MMP16: variants seen among roughly 807,000 people sequenced by gnomAD.
MMP16 encodes matrix metallopeptidase 16.
Under a neutral mutation model 67.8 loss-of-function variants are expected in MMP16, and 12 were observed. That is an observed-to-expected ratio of 0.18 (90% CI 0.11 to 0.29). The LOEUF (loss-of-function observed/expected upper bound fraction) is 0.29. Ranked by LOEUF, MMP16 falls within the 10% of genes least tolerant of loss-of-function variation. MMP16 has a pLI of 1.00. For missense variants in MMP16, 475 were observed against 765.7 expected (o/e 0.62, Z 4.48); for synonymous variants, 249 against 255.9 (o/e 0.97, Z 0.26).
At chr8:88,055,237 G>A (rs562353028) in intron 8 of MMP16, among the ~76,000 whole-genome samples, 13 of 151,898 alleles carry the variant, frequency 8.6e-5, no homozygotes, top group East Asian at 1.9e-4. Flanking sequence ...AGACAGGGTC[G>A]CACTCTGTTG....
intron 4 of MMP16, among the ~76,000 whole-genome samples, chr8:88,167,075 G>A (rs1431097557): frequency 1.3e-5 from 2 of 151,990 alleles, no homozygotes; most frequent in Non-Finnish European, 2.9e-5. Context: ...AGCTGGGCAT[G>A]GTGGCAGGCA....
chr8:88,300,698 A>G (rs1811084126), intron 1 of MMP16, among the ~76,000 whole-genome samples: 1 of 152,232 alleles, frequency 6.6e-6, no homozygotes, highest in Admixed American at 6.5e-5. Context: ...TGCTGGTTTC[A>G]GGCATCTACT....
chr8:88,281,121 C>T (rs552526332), intron 1 of MMP16, among the ~76,000 whole-genome samples: 1 of 152,234 alleles, frequency 6.6e-6, no homozygotes, highest in East Asian at 1.9e-4. Context: ...TTTGCAATTC[C>T]AAATTTTCCC....
intron 4 of MMP16, among the ~76,000 whole-genome samples, chr8:88,137,483 C>G (rs1808140632): frequency 6.6e-6 from 1 of 151,802 alleles, no homozygotes; most frequent in African/African-American, 2.4e-5. Flanking sequence ...AACAAATGTG[C>G]CTTCATTTTT....
At chr8:88,293,071 T>C (rs1000596786) in intron 1 of MMP16, among the ~76,000 whole-genome samples, 1 of 152,208 alleles carries the variant, frequency 6.6e-6, no homozygotes, top group Non-Finnish European at 1.5e-5. Flanking sequence ...GAAAACTGCA[T>C]AAAACTTTAA....
At chr8:88,057,449 G>A (rs1201748104) in intron 7 of MMP16, among the ~76,000 whole-genome samples, 1 of 151,980 alleles carries the variant, frequency 6.6e-6, no homozygotes, top group Non-Finnish European at 1.5e-5. Flanking sequence ...CCTTCCCCAA[G>A]TCCTCTTCTC....
intron 1 of MMP16, among the ~76,000 whole-genome samples, chr8:88,292,632 A>G (rs888268232): frequency 2.0e-5 from 3 of 152,210 alleles, no homozygotes; most frequent in African/African-American, 7.2e-5. Flanking sequence ...CACTTTCTGA[A>G]GTGCTAATGA....
chr8:88,236,983 C>T (rs1268612852), intron 1 of MMP16, among the ~76,000 whole-genome samples: 1 of 152,156 alleles, frequency 6.6e-6, no homozygotes, highest in Non-Finnish European at 1.5e-5. Context: ...TCCTGCAACA[C>T]AGACAAGTCA....
At chr8:88,115,974 A>G (rs1809421065) in intron 6 of MMP16, among the ~76,000 whole-genome samples, 2 of 152,160 alleles carry the variant, frequency 1.3e-5, no homozygotes, top group Admixed American at 1.3e-4. Flanking sequence ...TAACAATATC[A>G]AAACAATAAC....
chr8:88,279,170 C>T (rs1400094632), intron 1 of MMP16, among the ~76,000 whole-genome samples: 1 of 147,912 alleles, frequency 6.8e-6, no homozygotes, highest in Non-Finnish European at 1.5e-5. Flanking sequence ...TGCAGTGAGC[C>T]AAGATTGCAC....
At chr8:88,222,195 A>G (rs1809693922) in intron 1 of MMP16, among the ~76,000 whole-genome samples, 1 of 152,060 alleles carries the variant, frequency 6.6e-6, no homozygotes, top group Non-Finnish European at 1.5e-5. Flanking sequence ...TTAGGAGTGC[A>G]CAATCAAGAC....
rs398008661 is a variant in MMP16 at position 88,265,223 on chromosome 8, CTT to C, written c.132+61850_132+61851del. ...AACTAAGGGTAGAAATGACCATTTCCTTTTTTTTTTTTTTTTTTTTCAGATAC... is the reference window on the plus strand; with the variant it reads ...AACTAAGGGTAGAAATGACCATTTCCTTTTTTTTTTTTTTTTTTCAGATAC... On this transcript the variant is annotated intron_variant, in intron 1 of 9. Coordinates refer to ENST00000286614, the MANE Select transcript of MMP16 (RefSeq NM_005941.5). Among the ~76,000 whole-genome samples the C allele has an allele frequency of 1.4e-3, 145 of 100,758 alleles. 1 individual carries two copies. Among genetic ancestry groups the C allele is most frequent in the African/African-American group, 5.4e-3 (134 of 24,898 alleles). 66.1% of individuals were successfully genotyped at this position (100,758 alleles called of 152,430 possible). A position where few individuals can be genotyped will look rare whatever the true frequency, so the allele number is the denominator to read the frequency against.
At chr8:88,215,135 C>T (rs1192943603) in intron 1 of MMP16, among the ~76,000 whole-genome samples, 1 of 152,036 alleles carries the variant, frequency 6.6e-6, no homozygotes, top group East Asian at 1.9e-4. Context: ...AGCAGCCTGA[C>T]CAACATGGTG....
rs1307156290 is a variant in MMP16 at position 88,277,350 on chromosome 8, G to T, written c.132+49725C>A. On this transcript the variant is annotated intron_variant, in intron 1 of 9. Coordinates refer to ENST00000286614, the MANE Select transcript of MMP16 (RefSeq NM_005941.5). ...CTTTAATTACAAGTATTCTATTCAGGTTATTCAGATAAAGTCTCACAGCCT... is the reference window on the plus strand; with the variant it reads ...CTTTAATTACAAGTATTCTATTCAGTTTATTCAGATAAAGTCTCACAGCCT... Among the ~76,000 whole-genome samples the T allele has an allele frequency of 1.2e-4, 18 of 152,064 alleles. No homozygotes were observed. The East Asian group carries it at 3.1e-3, about 26-fold the overall frequency.
rs1255156246 is a variant in MMP16 at position 88,034,607 on chromosome 8, A to G, written c.*6854T>C. 1 of 152,224 alleles carries G rather than the reference A, an allele frequency of 6.6e-6. No individual in the cohort carries two copies. Among genetic ancestry groups the G allele is most frequent in the East Asian group, 1.9e-4 (1 of 5,190 alleles). 9.4% of individuals were successfully genotyped at this position (152,224 alleles called of 1,614,324 possible). ...TGGCCTCTGTGACGGTATTTCAGTA[A>G]TAGCAAAAATTGTAACATTGATTTA... On this transcript the variant is annotated 3_prime_UTR_variant, in exon 10 of 10. Coordinates refer to ENST00000286614, the MANE Select transcript of MMP16 (RefSeq NM_005941.5).
At chr8:88,276,243 A>G (rs1287645999) in intron 1 of MMP16, among the ~76,000 whole-genome samples, 1 of 152,140 alleles carries the variant, frequency 6.6e-6, no homozygotes, top group Non-Finnish European at 1.5e-5. Flanking sequence ...TATACCTTAC[A>G]TTGCAAAAAA....
intron 9 of MMP16, among the ~76,000 whole-genome samples, chr8:88,042,594 A>C (rs1380533144): frequency 6.6e-6 from 1 of 152,202 alleles, no homozygotes; most frequent in Non-Finnish European, 1.5e-5. Flanking sequence ...TCATTATTTT[A>C]AGAATAAAAT....
chr8:88,299,513 A>T (rs1423369279), intron 1 of MMP16, among the ~76,000 whole-genome samples: 2 of 152,164 alleles, frequency 1.3e-5, no homozygotes, highest in African/African-American at 4.8e-5. Context: ...CCACCGCGAC[A>T]TTCCTAAAAT....
At chr8:88,148,942 T>C (rs899052135) in intron 4 of MMP16, among the ~76,000 whole-genome samples, 12 of 152,194 alleles carry the variant, frequency 7.9e-5, no homozygotes, top group Admixed American at 7.9e-4. Flanking sequence ...CATTTCCATC[T>C]GAGGTACCGG....
Sources: allele counts gnomAD v4.1 joint callset (sites outside exome capture counted in the v4.1 genomes callset), GRCh38; gene constraint gnomAD v4.1.1; transcripts MANE v1.5; gene names NCBI Gene and HGNC (gene_info 2026-07-23, HGNC 2026-07-21).